The following GRID2 variants were observed in gnomAD, a reference collection of about 807,000 sequenced individuals.
GRID2 encodes glutamate ionotropic receptor delta type subunit 2.
A neutral mutation model predicts 114.8 loss-of-function variants in GRID2; 33 were observed. That is an observed-to-expected ratio of 0.29 (90% CI 0.22 to 0.38). GRID2 has a LOEUF of 0.38. Among genes scored for constraint, GRID2 ranks in the 10% least tolerant of loss-of-function variants. The pLI is 1.00. For missense variants in GRID2, 1,184 were observed against 1,257.7 expected, an observed-to-expected ratio of 0.94 and a Z score of 0.89; for synonymous variants, 505 against 449.9, an observed-to-expected ratio of 1.12 and a Z score of -1.55.
intron 2 of GRID2, among the ~76,000 whole-genome samples, chr4:92,840,765 T>C (rs906996999): frequency 1.6e-4 from 25 of 152,108 alleles, no homozygotes; most frequent in South Asian, 6.2e-4. Context: ...ACCAGTAGTA[T>C]CTTTCCAAGT....
chr4:92,655,908 T>C (rs893665219), intron 2 of GRID2, among the ~76,000 whole-genome samples: 8 of 151,852 alleles, frequency 5.3e-5, no homozygotes, highest in Admixed American at 4.6e-4. Context: ...CCAAGTTTAA[T>C]AATAGTGTTG....
intron 8 of GRID2, among the ~76,000 whole-genome samples, chr4:93,265,906 A>T (rs1238302397): frequency 6.6e-6 from 1 of 152,284 alleles, no homozygotes; most frequent in Non-Finnish European, 1.5e-5. Context: ...TCCTTTAAGA[A>T]TTTTTATTTT....
At chr4:92,601,399 A>T (rs62310146) in intron 2 of GRID2, among the ~76,000 whole-genome samples, 8,733 of 152,166 alleles carry the variant, frequency 0.057, 289 homozygotes, top group East Asian at 0.12. Context: ...CATACAACTA[A>T]ATGGAAATTG....
intron 2 of GRID2, among the ~76,000 whole-genome samples, chr4:92,802,343 T>C (rs1331140693): frequency 6.6e-6 from 1 of 151,968 alleles, no homozygotes; most frequent in Admixed American, 6.6e-5. Flanking sequence ...CTCATGGTTT[T>C]ATACATTCTA....
At chr4:92,314,712 A>C (rs576242316) in intron 1 of GRID2, among the ~76,000 whole-genome samples, 3 of 152,168 alleles carry the variant, frequency 2.0e-5, no homozygotes, top group East Asian at 3.9e-4. Flanking sequence ...TATGAAGCAT[A>C]AATGAACTTA....
chr4:93,444,372 G>T (rs1187389349), intron 10 of GRID2, among the ~76,000 whole-genome samples: 1 of 151,936 alleles, frequency 6.6e-6, no homozygotes, highest in African/African-American at 2.4e-5. Context: ...ATAGCACGTG[G>T]TTTCTGAGAA....
chr4:93,201,036 A>C (rs1286227425), intron 4 of GRID2, among the ~76,000 whole-genome samples: 10 of 152,168 alleles, frequency 6.6e-5, no homozygotes, highest in Non-Finnish European at 1.2e-4. Flanking sequence ...ACAAAAAAGG[A>C]AACAGGTTTA....
chr4:93,380,792 C>T (rs1763777676), intron 8 of GRID2, among the ~76,000 whole-genome samples: 1 of 152,026 alleles, frequency 6.6e-6, no homozygotes, highest in South Asian at 2.1e-4. Flanking sequence ...TAACAAAATA[C>T]TCTAAAGCAT....
intron 4 of GRID2, among the ~76,000 whole-genome samples, chr4:93,204,941 T>G (rs1268473551): frequency 6.6e-6 from 1 of 152,166 alleles, no homozygotes; most frequent in African/African-American, 2.4e-5. Flanking sequence ...ATGCTGCCTA[T>G]CTATTGGTAT....
At chr4:93,164,411 C>G (rs949657332) in intron 4 of GRID2, among the ~76,000 whole-genome samples, 2 of 152,014 alleles carry the variant, frequency 1.3e-5, no homozygotes, top group Non-Finnish European at 2.9e-5. Context: ...ACAAATTAAA[C>G]TCAGAATATA....
chr4:92,375,902 T>C (rs1729333241), intron 1 of GRID2, among the ~76,000 whole-genome samples: 1 of 152,154 alleles, frequency 6.6e-6, no homozygotes, highest in Non-Finnish European at 1.5e-5. Context: ...CATTATTGTA[T>C]TGAGGTTGTA....
chr4:93,752,916 T>C (rs1369442136), intron 14 of GRID2, among the ~76,000 whole-genome samples: 1 of 152,200 alleles, frequency 6.6e-6, no homozygotes, highest in Non-Finnish European at 1.5e-5. Flanking sequence ...ATCAGTGTTA[T>C]GCTTTTGGAG....
chr4:92,957,038 A>C (rs989960569), intron 2 of GRID2, among the ~76,000 whole-genome samples: 2 of 151,942 alleles, frequency 1.3e-5, no homozygotes, highest in Non-Finnish European at 2.9e-5. Context: ...TTCCTTGTAA[A>C]TTTTGTATAA....
rs183393941 is a variant in GRID2 at position 92,517,923 on chromosome 4, C to A, written c.89-72208C>A. On this transcript the variant is annotated intron_variant, in intron 1 of 15. Coordinates refer to ENST00000282020, the MANE Select transcript of GRID2 (RefSeq NM_001510.4). ...CAAAAACAAACAAACAAACAAAAAA[C>A]CAAAAAAACCCACTGTATTGTAATG... 1.6e-3 allele frequency among the ~76,000 whole-genome samples: 247 copies of A among 151,582 alleles called. 1 individual carries two copies. Among genetic ancestry groups the A allele is most frequent in the African/African-American group, 5.5e-3 (229 of 41,332 alleles).
At chr4:93,048,393 G>A (rs1468853015) in intron 2 of GRID2, among the ~76,000 whole-genome samples, 3 of 151,854 alleles carry the variant, frequency 2.0e-5, no homozygotes, top group Non-Finnish European at 2.9e-5. Context: ...GTCCTAGTCT[G>A]CCTGGAGAGT....
At chr4:92,663,047 A>T (rs534419203) in intron 2 of GRID2, among the ~76,000 whole-genome samples, 1 of 151,158 alleles carries the variant, frequency 6.6e-6, no homozygotes, top group South Asian at 2.1e-4. Context: ...ACTGAGATTG[A>T]TTATCATCAT....
chr4:92,996,581 T>A (rs1462735374), intron 2 of GRID2, among the ~76,000 whole-genome samples: 1 of 152,172 alleles, frequency 6.6e-6, no homozygotes, highest in African/African-American at 2.4e-5. Context: ...TTCAGGAGAT[T>A]GATGTGCTGA....
intron 12 of GRID2, 137 bp downstream of exon 12, chr4:93,490,914 T>C (rs1247001967): frequency 1.0e-5 from 6 of 591,190 alleles, no homozygotes; most frequent in Non-Finnish European, 1.8e-5. Flanking sequence ...TTTGTGTTAC[T>C]GCAAAGTATC....
intron 7 of GRID2, among the ~76,000 whole-genome samples, chr4:93,228,008 G>A (rs773556760): frequency 2.0e-5 from 3 of 152,138 alleles, no homozygotes; most frequent in Admixed American, 1.3e-4. Context: ...ATTCACAGCA[G>A]TACAGTTTTT....
Sources: allele counts gnomAD v4.1 joint callset (sites outside exome capture counted in the v4.1 genomes callset), GRCh38; gene constraint gnomAD v4.1.1; transcripts MANE v1.5; gene names NCBI Gene and HGNC (gene_info 2026-07-23, HGNC 2026-07-21).